Variants in APBB2 observed in about 807,000 individuals in gnomAD.
APBB2 encodes Fe65-like 1.
A neutral mutation model predicts 82.5 loss-of-function variants in APBB2; 38 were observed. The ratio of observed to expected loss-of-function variants is 0.46; its 90% confidence interval spans 0.36 to 0.60. The LOEUF (loss-of-function observed/expected upper bound fraction) is 0.60. Ranked by LOEUF, APBB2 falls within the 20% of genes least tolerant of loss-of-function variation. APBB2 has a pLI of 0.00. For synonymous variants in APBB2, 341 were observed against 368.2 expected (o/e 0.93, Z 0.85); for missense variants, 772 against 972.3 (o/e 0.79, Z 2.74).
rs532702529 is a variant in APBB2, at chr4:40,840,771, G to T, written c.1530-10194C>A. Among the ~76,000 whole-genome samples the T allele has an allele frequency of 1.2e-4, 19 of 152,274 alleles. No homozygotes were observed. In the East Asian group the frequency reaches 3.7e-3, roughly 29 times the overall value. On this transcript the variant is annotated intron_variant, in intron 12 of 17. Transcript: ENST00000508593. Reference sequence around the variant, plus strand: ...TCTACCACCTGCAATTATCGAGGTGGCTTGGGCAAACTAGAATCTGTAGCC... The same window carrying T: ...TCTACCACCTGCAATTATCGAGGTGTCTTGGGCAAACTAGAATCTGTAGCC...
chr4:40,890,370 T>C lies in APBB2; in HGVS notation c.1523A>G (p.Asn508Ser), dbSNP rs1483338542. ...SIRVWGVGRDNGRDFAYVARD... is the reference protein window; with the variant it reads ...SIRVWGVGRDSGRDFAYVARD... Reference sequence around the variant, plus strand: ...GCCCCACCCAGGGACTCACCGGCCATTGTCGCGGCCCACGCCCCACACGCG... The same window carrying C: ...GCCCCACCCAGGGACTCACCGGCCACTGTCGCGGCCCACGCCCCACACGCG... The change falls in exon 12 of 18, where the codon AAT becomes AGT. Residue 508 changes from asparagine to serine, a missense_variant. By Grantham distance (46) the Asn-to-Ser change is conservative. Transcript: ENST00000508593. The C allele has an allele frequency of 4.3e-6, 7 of 1,612,378 alleles. No individual in the cohort carries two copies. Among genetic ancestry groups the C allele is most frequent in the East Asian group, 2.2e-5 (1 of 44,856 alleles).
At chr4:41,010,156 G>A (rs1394723088) in intron 6 of APBB2, among the ~76,000 whole-genome samples, 1 of 152,192 alleles carries the variant, frequency 6.6e-6, no homozygotes, top group Non-Finnish European at 1.5e-5. Flanking sequence ...AGTGCAACAT[G>A]CTGAAGCAGG....
chr4:41,006,202 T>C (rs1339286259), intron 6 of APBB2, among the ~76,000 whole-genome samples: 2 of 152,164 alleles, frequency 1.3e-5, no homozygotes, highest in African/African-American at 4.8e-5. Context: ...AAATAAAAAA[T>C]ACTTTTATGC....
intron 12 of APBB2, among the ~76,000 whole-genome samples, chr4:40,834,594 C>A (rs1051961612): frequency 6.6e-5 from 10 of 152,140 alleles, no homozygotes; most frequent in African/African-American, 1.9e-4. Context: ...TACATGCCAA[C>A]AGGGGCTTGG....
chr4:41,061,390 G>A (rs1262354456), intron 4 of APBB2, among the ~76,000 whole-genome samples: 2 of 152,220 alleles, frequency 1.3e-5, no homozygotes, highest in East Asian at 1.9e-4. Context: ...ACTACACACC[G>A]AGGCTAGATG....
At chr4:41,082,939 G>A (rs1045677497) in intron 3 of APBB2, among the ~76,000 whole-genome samples, 1 of 152,110 alleles carries the variant, frequency 6.6e-6, no homozygotes, top group African/African-American at 2.4e-5. Context: ...GAGGCGGGAA[G>A]ATCACTTGAG....
intron 5 of APBB2, among the ~76,000 whole-genome samples, chr4:41,016,451 C>T (rs924045507): frequency 1.1e-4 from 16 of 152,082 alleles, no homozygotes; most frequent in African/African-American, 3.4e-4. Flanking sequence ...CACCTGAGGT[C>T]GGGAGTTTGA....
At chr4:41,041,164 T>G (rs561518972) in intron 4 of APBB2, among the ~76,000 whole-genome samples, 39 of 152,202 alleles carry the variant, frequency 2.6e-4, no homozygotes, top group Middle Eastern at 3.4e-3. Context: ...ACAGGTGTGA[T>G]CCACCATGCC....
intron 2 of APBB2, among the ~76,000 whole-genome samples, chr4:41,128,247 T>G (rs1754961509): frequency 6.6e-6 from 1 of 152,182 alleles, no homozygotes; most frequent in South Asian, 2.1e-4. Flanking sequence ...GAATGGTTAT[T>G]ATTAAAAAGT....
At chr4:41,036,845 T>C (rs1397897903) in intron 4 of APBB2, among the ~76,000 whole-genome samples, 1 of 152,186 alleles carries the variant, frequency 6.6e-6, no homozygotes, top group African/African-American at 2.4e-5. Flanking sequence ...GATGAATGAA[T>C]CTCATCTAAT....
At position 41,078,368 on chromosome 4, in the gene APBB2, A is replaced by T. The variant is rs182995014; in HGVS notation, c.-148-12695T>A. Among the ~76,000 whole-genome samples the T allele has an allele frequency of 3.2e-4, 49 of 152,340 alleles. No individual in the cohort carries two copies. In the East Asian group the frequency reaches 9.3e-3, roughly 29 times the overall value. Reference sequence around the variant, plus strand: ...GAATTTGTAAGCTATATACATGTATAATTGCAATTAAAAAATCAACTTTTA... The same window carrying T: ...GAATTTGTAAGCTATATACATGTATTATTGCAATTAAAAAATCAACTTTTA... On this transcript the variant is annotated intron_variant, in intron 3 of 17. Transcript: ENST00000508593.
chr4:40,991,910 A>G (rs1406072370), intron 6 of APBB2, among the ~76,000 whole-genome samples: 3 of 152,126 alleles, frequency 2.0e-5, no homozygotes, highest in Non-Finnish European at 4.4e-5. Flanking sequence ...TTAGAAAGTT[A>G]TAACAATTCT....
At chr4:41,184,208 C>A (rs1189803151) in intron 1 of APBB2, among the ~76,000 whole-genome samples, 1 of 152,158 alleles carries the variant, frequency 6.6e-6, no homozygotes, top group Non-Finnish European at 1.5e-5. Flanking sequence ...AAGCTTCATT[C>A]GCTGGCCTGC....
rs11421268 is a variant in APBB2, at chr4:41,032,778, C to CTTTTTTTTTTTTT, written c.19+445_19+457dup. 2.9e-3 allele frequency among the ~76,000 whole-genome samples: 243 copies of CTTTTTTTTTTTTT among 84,296 alleles called. 8 individuals are homozygous for CTTTTTTTTTTTTT. The highest frequency in any genetic ancestry group is 3.4e-3 in the Non-Finnish European group (165 of 48,060). The allele number at this position is 84,296 out of a possible 152,430, so 55.3% of individuals were successfully genotyped here. On this transcript the variant is annotated intron_variant, in intron 5 of 17. Transcript: ENST00000508593. Reference sequence around the variant, plus strand: ...TGATTTTAAAGATTCATTTTTCTTTCTTTTTTTTTTTTTTTTTTTTTTTTG... The same window carrying CTTTTTTTTTTTTT: ...TGATTTTAAAGATTCATTTTTCTTTCTTTTTTTTTTTTTTTTTTTTTTTTTTTTTTTTTTTTTG...
At chr4:41,182,863 T>C (rs1771808041) in intron 1 of APBB2, among the ~76,000 whole-genome samples, 1 of 152,160 alleles carries the variant, frequency 6.6e-6, no homozygotes, top group Non-Finnish European at 1.5e-5. Context: ...ATGATTCAAT[T>C]ACCTCTACCT....
At chr4:41,188,552 C>T (rs188639976) in intron 1 of APBB2, among the ~76,000 whole-genome samples, 116 of 152,304 alleles carry the variant, frequency 7.6e-4, no homozygotes, top group Non-Finnish European at 1.5e-3. Context: ...AGATGGCCAT[C>T]TATGAGCCAG....
chr4:40,850,362 A>T (rs1338478497), intron 12 of APBB2, among the ~76,000 whole-genome samples: 1 of 152,222 alleles, frequency 6.6e-6, no homozygotes, highest in African/African-American at 2.4e-5. Context: ...ATCTTAAAAA[A>T]GAAAGAGGCT....
intron 4 of APBB2, among the ~76,000 whole-genome samples, chr4:41,038,708 C>A (rs924782817): frequency 2.0e-5 from 3 of 152,190 alleles, no homozygotes; most frequent in Non-Finnish European, 4.4e-5. Flanking sequence ...CCCAATACTC[C>A]CTTTCTATAA....
chr4:41,121,089 C>T (rs149799851), intron 2 of APBB2, among the ~76,000 whole-genome samples: 31 of 152,254 alleles, frequency 2.0e-4, no homozygotes, highest in African/African-American at 6.3e-4. Flanking sequence ...CGGTGGAAAA[C>T]GAAAACTGTT....
Sources: gnomAD v4.1 joint callset for allele counts (sites outside exome capture counted in the v4.1 genomes callset) on GRCh38, gnomAD v4.1.1 for gene constraint, MANE v1.5 for transcripts, NCBI Gene and HGNC (gene_info 2026-07-23, HGNC 2026-07-21) for gene names.